Variants in COL23A1 observed in about 807,000 individuals in gnomAD.
COL23A1 encodes collagen type XXIII alpha 1 chain.
In COL23A1, 97 loss-of-function variants were observed where a neutral mutation model predicts 99.3. The ratio of observed to expected loss-of-function variants is 0.98; its 90% confidence interval spans 0.83 to 1.16. The LOEUF is 1.16. Among genes scored for constraint, COL23A1 ranks in the 50% most tolerant of loss-of-function variants. COL23A1 has a pLI of 0.00. For synonymous variants in COL23A1, 320 were observed against 308.2 expected (o/e 1.04, Z -0.40); for missense variants, 762 against 757.4 (o/e 1.01, Z -0.07).
Position 178,421,477 on chromosome 5 carries a change from A to C in COL23A1, c.362-114558T>G, listed in dbSNP as rs191704276. ...TCAGCACAAGATAAGCATGCTACCCACTCCACACCATCAAAGTCTGCCTTC... is the reference window on the plus strand; with the variant it reads ...TCAGCACAAGATAAGCATGCTACCCCCTCCACACCATCAAAGTCTGCCTTC... On this transcript the variant is annotated intron_variant, in intron 2 of 28. Coordinates refer to ENST00000390654, the MANE Select transcript of COL23A1 (RefSeq NM_173465.4). 3.4e-3 allele frequency among the ~76,000 whole-genome samples: 517 copies of C among 152,044 alleles called. 1 individual carries two copies. Among genetic ancestry groups the C allele is most frequent in the Non-Finnish European group, 3.7e-3 (250 of 67,976 alleles).
At chr5:178,256,464 G>T in intron 14 of COL23A1, 67 bp from the exon 15 acceptor site, 1 of 1,456,794 alleles carries the variant, frequency 6.9e-7, no homozygotes, top group African/African-American at 1.4e-5. Flanking sequence ...CCACGACCCT[G>T]CCCCCAGTCC....
At chr5:178,477,240 A>G (rs921852680) in intron 2 of COL23A1, among the ~76,000 whole-genome samples, 1 of 152,202 alleles carries the variant, frequency 6.6e-6, no homozygotes, top group African/African-American at 2.4e-5. Context: ...TTCAGAAAAC[A>G]ACGAAACCAT....
chr5:178,273,750 G>C (rs1756428025), intron 5 of COL23A1, among the ~76,000 whole-genome samples: 1 of 152,260 alleles, frequency 6.6e-6, no homozygotes, highest in South Asian at 2.1e-4. Flanking sequence ...CGAGCTTTCT[G>C]TGTGGGGCAG....
chr5:178,433,376 G>A (rs1188709137), intron 2 of COL23A1, among the ~76,000 whole-genome samples: 2 of 152,160 alleles, frequency 1.3e-5, no homozygotes, highest in African/African-American at 2.4e-5. Flanking sequence ...TGTCTAGGGC[G>A]GTCCTGAGGC....
chr5:178,409,080 T>G (rs1406996763), intron 2 of COL23A1, among the ~76,000 whole-genome samples: 1 of 151,786 alleles, frequency 6.6e-6, no homozygotes, highest in Non-Finnish European at 1.5e-5. Context: ...GAAATTTTTA[T>G]GTCCACACAA....
intron 2 of COL23A1, among the ~76,000 whole-genome samples, chr5:178,470,804 C>A (rs1756704122): frequency 6.6e-6 from 1 of 152,096 alleles, no homozygotes; most frequent in African/African-American, 2.4e-5. Context: ...AAGGAGCCCA[C>A]CGCCTCCAGG....
chr5:178,245,846 G>C, intron 25 of COL23A1, 96 bp downstream of exon 25: 1 of 1,408,692 alleles, frequency 7.1e-7, no homozygotes, highest in Non-Finnish European at 1.0e-6. Context: ...CTGGGGAAAG[G>C]GGTCACACTT....
intron 2 of COL23A1, among the ~76,000 whole-genome samples, chr5:178,326,986 G>A (rs911782273): frequency 7.9e-5 from 12 of 152,236 alleles, no homozygotes; most frequent in Non-Finnish European, 1.5e-4. Context: ...CCAAAGTGCC[G>A]GGATTACAGG....
Position 178,358,242 on chromosome 5 carries a change from G to GTATGTGTGTGTA in COL23A1, c.362-51324_362-51323insTACACACACATA, listed in dbSNP as rs1554145288. On this transcript the variant is annotated intron_variant, in intron 2 of 28. Transcript: ENST00000390654. ...GTGTCTAATGTGTGTATGTGTGTAT[G>GTATGTGTGTGTA]TGTATGTGTGTGTATGTATATGTGT... Among the ~76,000 whole-genome samples the GTATGTGTGTGTA allele has an allele frequency of 3.8e-3, 178 of 47,078 alleles. 2 individuals carry two copies. The Middle Eastern group carries it at 0.039, about 10-fold the overall frequency. The allele number at this position is 47,078 out of a possible 152,430, so 30.9% of individuals were successfully genotyped here. A position where few individuals can be genotyped will look rare whatever the true frequency, so the allele number is the denominator to read the frequency against.
intron 2 of COL23A1, among the ~76,000 whole-genome samples, chr5:178,553,706 G>A (rs1762125931): frequency 6.6e-6 from 1 of 152,180 alleles, no homozygotes; most frequent in Non-Finnish European, 1.5e-5. Flanking sequence ...TGGCTGATGA[G>A]GGTTCACGGC....
intron 2 of COL23A1, among the ~76,000 whole-genome samples, chr5:178,557,070 TCTGCGGGGC>T (rs1266258179): frequency 2.6e-5 from 4 of 152,332 alleles, no homozygotes; most frequent in South Asian, 4.1e-4. Context: ...GTCCAAGGTG[TCTGCGGGGC>T]GGGCTCCTCA....
chr5:178,273,190 C>A (rs1342741166), intron 5 of COL23A1, among the ~76,000 whole-genome samples: 2 of 152,220 alleles, frequency 1.3e-5, no homozygotes, highest in African/African-American at 4.8e-5. Flanking sequence ...TCTAGAAGTG[C>A]CCGTGGAAGG....
intron 2 of COL23A1, among the ~76,000 whole-genome samples, chr5:178,361,551 C>A (rs1762174944): frequency 6.6e-6 from 1 of 152,094 alleles, no homozygotes; most frequent in Non-Finnish European, 1.5e-5. Flanking sequence ...TCCCCACCTC[C>A]ACCTTCAACC....
Position 178,403,578 on chromosome 5 carries a change from C to T in COL23A1, c.362-96659G>A, listed in dbSNP as rs576985269. Among the ~76,000 whole-genome samples the T allele has an allele frequency of 1.8e-4, 27 of 152,350 alleles. 1 individual carries two copies. In the South Asian group the frequency reaches 5.6e-3, roughly 32 times the overall value. On this transcript the variant is annotated intron_variant, in intron 2 of 28. Transcript: ENST00000390654. ...CCAGCCTCCACCATATGCCAGGGCT[C>T]ACAATGTGTAACGCCACTTCCAGGC...
chr5:178,477,349 G>A (rs1048271625), intron 2 of COL23A1, among the ~76,000 whole-genome samples: 1 of 152,170 alleles, frequency 6.6e-6, no homozygotes, highest in Admixed American at 6.5e-5. Flanking sequence ...AGAGAGGCTT[G>A]TCAGGCATGG....
intron 5 of COL23A1, among the ~76,000 whole-genome samples, chr5:178,276,787 G>A (rs1182390062): frequency 6.6e-6 from 1 of 152,224 alleles, no homozygotes; most frequent in Non-Finnish European, 1.5e-5. Context: ...AGCTGTTGCT[G>A]GTGCCTTGAG....
chr5:178,497,008 T>G (rs1758232248), intron 2 of COL23A1, among the ~76,000 whole-genome samples: 1 of 152,204 alleles, frequency 6.6e-6, no homozygotes, highest in East Asian at 1.9e-4. Context: ...CACATTGTCT[T>G]AAGCTCCTAG....
intron 2 of COL23A1, among the ~76,000 whole-genome samples, chr5:178,454,983 G>C (rs866635025): frequency 6.6e-5 from 10 of 152,304 alleles, no homozygotes; most frequent in Middle Eastern, 3.4e-3. Flanking sequence ...TGCCATCCTT[G>C]GTGTCCTTGG....
intron 5 of COL23A1, among the ~76,000 whole-genome samples, chr5:178,272,180 G>A (rs538525627): frequency 1.2e-3 from 182 of 152,308 alleles, no homozygotes; most frequent in African/African-American, 4.1e-3. Flanking sequence ...GAGGCAGCTC[G>A]TCCCCCGGGA....
Sources: allele counts gnomAD v4.1 joint callset (sites outside exome capture counted in the v4.1 genomes callset), GRCh38; gene constraint gnomAD v4.1.1; transcripts MANE v1.5; gene names NCBI Gene and HGNC (gene_info 2026-07-23, HGNC 2026-07-21).